The following GRIK3 variants were observed in gnomAD, a reference collection of about 807,000 sequenced individuals.
The protein encoded by GRIK3 is glutamate receptor ionotropic, kainate 3.
Under a neutral mutation model 102.5 loss-of-function variants are expected in GRIK3, and 29 were observed. The observed-to-expected ratio is 0.28, with a 90% CI of 0.21 to 0.39. The LOEUF (loss-of-function observed/expected upper bound fraction) is 0.39. Ranked by LOEUF, GRIK3 falls within the 10% of genes least tolerant of loss-of-function variation. GRIK3 has a pLI of 1.00. For missense variants in GRIK3, 908 were observed against 1,252.4 expected (o/e 0.73, Z 4.15); for synonymous variants, 511 against 504.9 (o/e 1.01, Z -0.16).
intron 9 of GRIK3, among the ~76,000 whole-genome samples, chr1:36,842,961 A>T (rs1335014381): frequency 6.6e-6 from 1 of 152,008 alleles, no homozygotes; most frequent in African/African-American, 2.4e-5. Flanking sequence ...TGGGTCAGAG[A>T]TGCCTGTCCC....
intron 1 of GRIK3, among the ~76,000 whole-genome samples, chr1:36,965,186 G>A (rs74064822): frequency 0.019 from 2,888 of 152,254 alleles, 80 homozygotes; most frequent in African/African-American, 0.058. Flanking sequence ...TCAAATGAAC[G>A]AGTTGAATTA....
intron 1 of GRIK3, among the ~76,000 whole-genome samples, chr1:36,907,570 A>G (rs1470580478): frequency 6.6e-6 from 1 of 152,130 alleles, no homozygotes; most frequent in African/African-American, 2.4e-5. Context: ...CAGGGCAGAG[A>G]AAGGACAAGA....
At chr1:36,926,187 C>CT (rs1557427836) in intron 1 of GRIK3, among the ~76,000 whole-genome samples, 16 of 152,134 alleles carry the variant, frequency 1.1e-4, no homozygotes, top group Non-Finnish European at 1.5e-4. Context: ...ACCCTTTGCC[C>CT]CCTGCCCTAA....
chr1:36,837,799 T>C (rs889119159), intron 10 of GRIK3, among the ~76,000 whole-genome samples: 2 of 152,190 alleles, frequency 1.3e-5, no homozygotes, highest in Non-Finnish European at 2.9e-5. Flanking sequence ...GGGCACCTGG[T>C]GCCAGGACAC....
chr1:36,804,305 T>C (rs917231162), intron 15 of GRIK3, among the ~76,000 whole-genome samples: 2 of 152,242 alleles, frequency 1.3e-5, no homozygotes, highest in African/African-American at 4.8e-5. Flanking sequence ...TAAATCACCC[T>C]GTAGGGTTTT....
In GRIK3 at chr1:36,850,223, T is replaced by TG. The variant is rs1410577067; in HGVS notation, c.1326+87dup. 2.8e-5 allele frequency: 22 copies of TG among 792,388 alleles called. No homozygotes were observed. The highest frequency in any genetic ancestry group is 2.5e-5 in the Non-Finnish European group (11 of 447,388). The allele number at this position is 792,388 out of a possible 1,614,324, so 49.1% of individuals were successfully genotyped here. A position where few individuals can be genotyped will look rare whatever the true frequency, so the allele number is the denominator to read the frequency against. Reference sequence around the variant, plus strand: ...CTACCTGCAGCCTCCATCTTCTGGGTGGGGGGGATAGAGGGGACTCTCCAG... The same window carrying TG: ...CTACCTGCAGCCTCCATCTTCTGGGTGGGGGGGGATAGAGGGGACTCTCCAG... On this transcript the variant is annotated intron_variant, in intron 9 of 15. Coordinates refer to ENST00000373091, the MANE Select transcript of GRIK3 (RefSeq NM_000831.4). This position sits in a 1 kb window ranked among gnomAD's most constrained non-coding sequence, Gnocchi z 4.0.
chr1:36,942,591 G>A (rs769662328), intron 1 of GRIK3, among the ~76,000 whole-genome samples: 5 of 151,506 alleles, frequency 3.3e-5, no homozygotes, highest in Admixed American at 6.6e-5. Context: ...CCCTTTGACC[G>A]CAGGTGGAGG....
chr1:37,025,719 T>A (rs1050003740), intron 1 of GRIK3, among the ~76,000 whole-genome samples: 1 of 152,220 alleles, frequency 6.6e-6, no homozygotes, highest in Non-Finnish European at 1.5e-5. Context: ...ATAAACCCCC[T>A]TCCATCGGCA....
intron 11 of GRIK3, among the ~76,000 whole-genome samples, chr1:36,822,821 C>G (rs1376197324): frequency 6.6e-6 from 1 of 152,198 alleles, no homozygotes; most frequent in African/African-American, 2.4e-5. Flanking sequence ...GTCACGAGTG[C>G]CAACTGTCCT....
intron 1 of GRIK3, among the ~76,000 whole-genome samples, chr1:36,936,443 A>G (rs1641658086): frequency 6.6e-6 from 1 of 152,216 alleles, no homozygotes; most frequent in South Asian, 2.1e-4. Flanking sequence ...TATAGTTTGC[A>G]AGATCTTAGG....
intron 1 of GRIK3, among the ~76,000 whole-genome samples, chr1:37,007,649 T>C (rs1359036139): frequency 6.6e-6 from 1 of 152,226 alleles, no homozygotes; most frequent in East Asian, 1.9e-4. Context: ...CTACTATGCG[T>C]CAGGCCTTGG....
At chr1:37,001,290 G>A (rs1021332787) in intron 1 of GRIK3, among the ~76,000 whole-genome samples, 2 of 152,242 alleles carry the variant, frequency 1.3e-5, no homozygotes, top group Admixed American at 1.3e-4. Flanking sequence ...AGAAAGAATA[G>A]TCTGAGATCA....
rs1640969096 is a variant in GRIK3, at chr1:36,880,962, A to G, written c.293-71T>C. ...GGGTATGGGGACAGTGATGCTGATG[A>G]TCCTGTAAACATGTGGGAAAAACAG... On this transcript the variant is annotated intron_variant, in intron 2 of 15. Transcript: ENST00000373091. This position sits in a 1 kb window ranked among gnomAD's most constrained non-coding sequence, Gnocchi z 5.4. 1.4e-6 allele frequency: 2 copies of G among 1,481,320 alleles called. No individual in the cohort carries two copies. Among genetic ancestry groups the G allele is most frequent in the Non-Finnish European group, 1.8e-6 (2 of 1,099,302 alleles). 91.8% of individuals were successfully genotyped at this position (1,481,320 alleles called of 1,614,324 possible). A position where few individuals can be genotyped will look rare whatever the true frequency, so the allele number is the denominator to read the frequency against.
At chr1:36,931,521 C>T (rs1262683331) in intron 1 of GRIK3, among the ~76,000 whole-genome samples, 2 of 152,142 alleles carry the variant, frequency 1.3e-5, no homozygotes, top group African/African-American at 2.4e-5. Context: ...GTCTATATCC[C>T]CTAAAAGACT....
intron 1 of GRIK3, among the ~76,000 whole-genome samples, chr1:36,925,557 C>G (rs1641518424): frequency 6.6e-6 from 1 of 152,270 alleles, no homozygotes; most frequent in African/African-American, 2.4e-5. Flanking sequence ...TAGAAACAGA[C>G]AAGCCTGCTG....
chr1:36,804,610 C>G, intron 15 of GRIK3: 1 of 399,122 alleles, frequency 2.5e-6, no homozygotes, highest in East Asian at 4.0e-5. Context: ...CAACCATCAC[C>G]CACCTTCAAC....
chr1:36,966,467 G>A (rs897476203), intron 1 of GRIK3, among the ~76,000 whole-genome samples: 3 of 152,096 alleles, frequency 2.0e-5, no homozygotes, highest in African/African-American at 7.2e-5. Context: ...TCAGCACCAG[G>A]GACAGCTCCA....
chr1:36,990,345 G>A (rs1260917680), intron 1 of GRIK3, among the ~76,000 whole-genome samples: 9 of 152,050 alleles, frequency 5.9e-5, no homozygotes, highest in Non-Finnish European at 1.3e-4. Flanking sequence ...ACCACTCCTG[G>A]GCCGCCATCT....
At chr1:36,829,241 G>T (rs779425992) in intron 10 of GRIK3, among the ~76,000 whole-genome samples, 3 of 152,084 alleles carry the variant, frequency 2.0e-5, no homozygotes, top group African/African-American at 4.8e-5. Context: ...TTGCTGTTTC[G>T]GTTCATTACT....
Sources: gnomAD v4.1 joint callset for allele counts (sites outside exome capture counted in the v4.1 genomes callset) on GRCh38, gnomAD v4.1.1 for gene constraint, Gnocchi (gnomAD v3.1) non-coding constraint, MANE v1.5 for transcripts, NCBI Gene and HGNC (gene_info 2026-07-23, HGNC 2026-07-21) for gene names.